UTS2B: variants seen among roughly 807,000 people sequenced by gnomAD.
The protein encoded by UTS2B is urotensin 2B.
A neutral mutation model predicts 19.2 loss-of-function variants in UTS2B; 21 were observed. The observed-to-expected ratio is 1.09, with a 90% confidence interval of 0.78 to 1.58. The LOEUF is 1.58. UTS2B is among the 40% of genes most tolerant of loss of function. The pLI is 0.00. For missense variants in UTS2B, 138 were observed against 130.3 expected, an observed-to-expected ratio of 1.06 and a Z score of -0.29; for synonymous variants, 57 against 50.2, an observed-to-expected ratio of 1.14 and a Z score of -0.58.
Position 191,268,506 on chromosome 3 carries a change from A to G in UTS2B, c.335-65T>C, listed in dbSNP as rs139334600. ...ATTTGATAAAACTTGCTCTTGAATC[A>G]ATAGCTTATGTGTGCCTGAATGCGA... is the stretch of plus-strand genomic sequence containing the variant. On this transcript the variant is annotated intron_variant, in intron 8 of 8. Transcript: ENST00000340524. 4.0e-4 allele frequency: 479 copies of G among 1,208,286 alleles called. 1 individual carries two copies. The African/African-American group carries it at 6.0e-3, about 15-fold the overall frequency. The allele number at this position is 1,208,286 out of a possible 1,614,324, so 74.8% of individuals were successfully genotyped here. A position where few individuals can be genotyped will look rare whatever the true frequency, so the allele number is the denominator to read the frequency against.
chr3:191,322,399 T>C (rs778057416), intron 2 of UTS2B, among the ~76,000 whole-genome samples: 18 of 152,208 alleles, frequency 1.2e-4, no homozygotes, highest in Admixed American at 2.0e-4. Flanking sequence ...CTTGGTTAAA[T>C]GGTGAACAAT....
At chr3:191,315,913 T>C (rs1186919563) in intron 3 of UTS2B, 123 bp downstream of exon 3, 1 of 152,236 alleles carries the variant, frequency 6.6e-6, no homozygotes, top group Admixed American at 6.5e-5. Context: ...AATTGAAACA[T>C]ATTCTTTTGG....
At chr3:191,280,164 G>A (rs1177448878) in intron 5 of UTS2B, among the ~76,000 whole-genome samples, 1 of 152,098 alleles carries the variant, frequency 6.6e-6, no homozygotes, top group Admixed American at 6.6e-5. Context: ...TTACTGCACA[G>A]AGACAAGAAA....
chr3:191,271,075 A>G (rs1192998347), intron 8 of UTS2B, among the ~76,000 whole-genome samples: 1 of 151,850 alleles, frequency 6.6e-6, no homozygotes, highest in East Asian at 1.9e-4. Context: ...TGGTGGCCAC[A>G]TGCCTGTAGT....
chr3:191,279,508 G>T (rs1046089844), intron 5 of UTS2B, among the ~76,000 whole-genome samples: 23 of 151,938 alleles, frequency 1.5e-4, no homozygotes, highest in Non-Finnish European at 2.5e-4. Context: ...GACAACTATG[G>T]TAAGAGAAAC....
At chr3:191,313,067 G>A (rs1345724916) in intron 3 of UTS2B, among the ~76,000 whole-genome samples, 4 of 151,226 alleles carry the variant, frequency 2.6e-5, no homozygotes, top group Admixed American at 6.6e-5. Context: ...CTGGAGCGCA[G>A]TGGTGTGATC....
At chr3:191,319,176 A>G (rs1717545591) in intron 2 of UTS2B, among the ~76,000 whole-genome samples, 1 of 152,138 alleles carries the variant, frequency 6.6e-6, no homozygotes, top group East Asian at 1.9e-4. Flanking sequence ...TATGTATACT[A>G]TCCCTAGATA....
At chr3:191,292,967 C>A (rs768080667) in intron 4 of UTS2B, among the ~76,000 whole-genome samples, 6 of 151,714 alleles carry the variant, frequency 4.0e-5, no homozygotes, top group Non-Finnish European at 7.4e-5. Flanking sequence ...TCGCACACTG[C>A]GCTCCAGCCT....
At chr3:191,274,656 G>A (rs905893427) in intron 8 of UTS2B, among the ~76,000 whole-genome samples, 4 of 152,106 alleles carry the variant, frequency 2.6e-5, no homozygotes, top group Non-Finnish European at 5.9e-5. Context: ...TGATTTTACA[G>A]AAGTTAAAGA....
intron 4 of UTS2B, among the ~76,000 whole-genome samples, chr3:191,297,062 C>A (rs1237521761): frequency 1.3e-5 from 2 of 152,256 alleles, no homozygotes; most frequent in East Asian, 3.9e-4. Flanking sequence ...AAAACCTTTT[C>A]TTTAAATGAG....
At chr3:191,275,622 G>A (rs1338984147) in intron 7 of UTS2B, among the ~76,000 whole-genome samples, 1 of 152,022 alleles carries the variant, frequency 6.6e-6, no homozygotes, top group East Asian at 1.9e-4. Flanking sequence ...GGAGACTGCA[G>A]TGAGCCGAGA....
At chr3:191,311,680 TC>T (rs1717305418) in intron 3 of UTS2B, among the ~76,000 whole-genome samples, 1 of 152,222 alleles carries the variant, frequency 6.6e-6, no homozygotes, top group African/African-American at 2.4e-5. Flanking sequence ...CCACTGAGCT[TC>T]TCAATGATTT....
intron 4 of UTS2B, among the ~76,000 whole-genome samples, chr3:191,286,658 T>TA (rs141852535): frequency 0.02 from 2,971 of 150,296 alleles, 105 homozygotes; most frequent in African/African-American, 0.067. Flanking sequence ...ATGCCTATAT[T>TA]AAAAAAAAAG....
the UTS2B span, among the ~76,000 whole-genome samples, chr3:191,343,488 A>T: frequency 6.6e-6 from 1 of 152,240 alleles, no homozygotes; most frequent in East Asian, 1.9e-4. Context: ...ATGTTTAATT[A>T]CGAAATTTTA....
chr3:191,278,838 T>C (rs2108572696), intron 5 of UTS2B, among the ~76,000 whole-genome samples: 1 of 152,108 alleles, frequency 6.6e-6, no homozygotes, highest in Non-Finnish European at 1.5e-5. Context: ...TCAAAAAAAA[T>C]CCATTGACAA....
chr3:191,337,053 AT>A, the UTS2B span, among the ~76,000 whole-genome samples: 1 of 151,380 alleles, frequency 6.6e-6, no homozygotes, highest in Admixed American at 6.6e-5. Context: ...AGCCATACTT[AT>A]TCATTTACAT....
chr3:191,332,096 G>C (rs544480291), upstream of UTS2B, among the ~76,000 whole-genome samples: 1 of 152,150 alleles, frequency 6.6e-6, no homozygotes, highest in Non-Finnish European at 1.5e-5. Context: ...GTGTGTGCCC[G>C]TTTCCATTGC....
In UTS2B at chr3:191,320,891, C is replaced by T. The variant is rs142733344; in HGVS notation, c.-585-4452G>A. The stretch of plus-strand genomic sequence containing the variant: ...AACTTAGTATGAAAAAGTAGTCAGT[C>T]AGTGCTGTGGTTTGAATGTGTCTCT... On this transcript the variant is annotated intron_variant, in intron 2 of 8. Coordinates refer to ENST00000340524, the MANE Select transcript of UTS2B (RefSeq NM_198152.5). Among the ~76,000 whole-genome samples, 209 of 152,262 alleles carry T rather than the reference C, an allele frequency of 1.4e-3. 2 individuals carry two copies. The highest frequency in any genetic ancestry group is 4.7e-3 in the African/African-American group (195 of 41,554).
intron 3 of UTS2B, among the ~76,000 whole-genome samples, chr3:191,304,862 C>T (rs1474358627): frequency 6.6e-6 from 1 of 152,112 alleles, no homozygotes; most frequent in Non-Finnish European, 1.5e-5. Flanking sequence ...GTGTGTTGTT[C>T]CCCTCTATGT....
Sources: allele counts gnomAD v4.1 joint callset (sites outside exome capture counted in the v4.1 genomes callset), GRCh38; gene constraint gnomAD v4.1.1; transcripts MANE v1.5; gene names NCBI Gene and HGNC (gene_info 2026-07-23, HGNC 2026-07-21).